The following TMEM132D variants were observed in gnomAD, a reference collection of about 807,000 sequenced individuals.
TMEM132D encodes the protein transmembrane protein 132D, also known as mature OL transmembrane protein.
Under a neutral mutation model 62.3 loss-of-function variants are expected in TMEM132D, and 21 were observed. The ratio of observed to expected loss-of-function variants is 0.34; its 90% CI spans 0.24 to 0.49. The LOEUF is 0.49. Ranked by LOEUF, TMEM132D falls within the 20% of genes least tolerant of loss-of-function variation. The pLI is 0.99. For synonymous variants in TMEM132D, 621 were observed against 575.6 expected, an observed-to-expected ratio of 1.08 and a Z score of -1.13; for missense variants, 1,346 against 1,402.8, an observed-to-expected ratio of 0.96 and a Z score of 0.65.
chr12:129,525,061 G>A (rs1236968923), intron 3 of TMEM132D, among the ~76,000 whole-genome samples: 1 of 148,462 alleles, frequency 6.7e-6, no homozygotes, highest in African/African-American at 2.5e-5. Flanking sequence ...GTGTAGCTGG[G>A]ACTACAGGCG....
intron 3 of TMEM132D, among the ~76,000 whole-genome samples, chr12:129,407,553 G>A (rs1165600760): frequency 6.6e-6 from 1 of 152,212 alleles, no homozygotes; most frequent in South Asian, 2.1e-4. Flanking sequence ...ACATGAATCT[G>A]TTTCTGGATT....
intron 7 of TMEM132D, 79 bp from the exon 8 acceptor site, chr12:129,078,804 G>C: frequency 6.7e-7 from 1 of 1,493,546 alleles, no homozygotes; most frequent in South Asian, 1.2e-5. Context: ...GGAAGTGCCA[G>C]TGTGCAGGCA....
intron 1 of TMEM132D, among the ~76,000 whole-genome samples, chr12:129,731,511 T>C (rs533163999): frequency 6.6e-6 from 1 of 152,132 alleles, no homozygotes; most frequent in South Asian, 2.1e-4. Flanking sequence ...ACCAAGGGCA[T>C]ATCCAGGGAG....
rs1429108087 is a variant in TMEM132D, at chr12:129,505,537, C to T, written c.1115+25522G>A. 1.1e-4 allele frequency among the ~76,000 whole-genome samples: 17 copies of T among 152,312 alleles called. No homozygotes were observed. The East Asian group carries it at 3.1e-3, about 28-fold the overall frequency. On this transcript the variant is annotated intron_variant, in intron 3 of 8. Transcript: ENST00000422113. ...GGATTACAGGCATGAGCCACCACGC[C>T]TGGCCTGTTCCAAGGTATAGTTTAA...
At chr12:129,772,244 A>G (rs1257158641) in intron 1 of TMEM132D, among the ~76,000 whole-genome samples, 1 of 152,226 alleles carries the variant, frequency 6.6e-6, no homozygotes, top group Non-Finnish European at 1.5e-5. Flanking sequence ...TCATACACCT[A>G]TAATTTAAAT....
intron 5 of TMEM132D, among the ~76,000 whole-genome samples, chr12:129,184,919 A>G (rs1025765700): frequency 2.6e-5 from 4 of 152,288 alleles, no homozygotes; most frequent in Admixed American, 2.6e-4. Context: ...CTCAAGAATC[A>G]TGACCCCAGC....
intron 2 of TMEM132D, among the ~76,000 whole-genome samples, chr12:129,581,677 C>A (rs1877867381): frequency 6.6e-6 from 1 of 152,188 alleles, no homozygotes; most frequent in Non-Finnish European, 1.5e-5. Flanking sequence ...TTTATCCTAG[C>A]CGAGCTGGCA....
At chr12:129,350,441 T>C (rs892029752) in intron 3 of TMEM132D, among the ~76,000 whole-genome samples, 3 of 152,204 alleles carry the variant, frequency 2.0e-5, no homozygotes, top group Admixed American at 6.5e-5. Flanking sequence ...CTGTCTCTTA[T>C]GAAGTCCCAC....
At chr12:129,166,288 G>C (rs1163830397) in intron 5 of TMEM132D, among the ~76,000 whole-genome samples, 5 of 61,210 alleles carry the variant, frequency 8.2e-5, no homozygotes, top group African/African-American at 2.1e-4. Context: ...ACTGTGGGAA[G>C]CTGGAGAACC....
intron 1 of TMEM132D, among the ~76,000 whole-genome samples, chr12:129,776,998 T>C (rs1490129322): frequency 6.6e-6 from 1 of 152,192 alleles, no homozygotes; most frequent in Non-Finnish European, 1.5e-5. Flanking sequence ...TTAACAAAGG[T>C]GTTGTTAAAT....
At chr12:129,554,515 T>A (rs2137108399) in intron 2 of TMEM132D, among the ~76,000 whole-genome samples, 1 of 152,274 alleles carries the variant, frequency 6.6e-6, no homozygotes, top group African/African-American at 2.4e-5. Context: ...GTGGGTTCCA[T>A]GAGGCCTCAT....
At chr12:129,124,939 G>A (rs899101875) in intron 5 of TMEM132D, among the ~76,000 whole-genome samples, 1 of 152,106 alleles carries the variant, frequency 6.6e-6, no homozygotes, top group Non-Finnish European at 1.5e-5. Flanking sequence ...AGCTATTAAT[G>A]TAATTACATT....
intron 1 of TMEM132D, among the ~76,000 whole-genome samples, chr12:129,778,011 C>T (rs1039579346): frequency 6.7e-6 from 1 of 148,278 alleles, no homozygotes; most frequent in Admixed American, 6.9e-5. Context: ...ATCCCAGCTA[C>T]TTCTAAGGCA....
intron 1 of TMEM132D, among the ~76,000 whole-genome samples, chr12:129,772,431 A>G (rs1363102726): frequency 3.9e-5 from 6 of 152,118 alleles, no homozygotes; most frequent in Non-Finnish European, 7.4e-5. Flanking sequence ...TATAGGGGGG[A>G]AAAGTTGCAT....
At chr12:129,428,796 A>C (rs773958145) in intron 3 of TMEM132D, among the ~76,000 whole-genome samples, 76 of 152,222 alleles carry the variant, frequency 5.0e-4, no homozygotes, top group African/African-American at 1.3e-3. Flanking sequence ...GAGAACCATG[A>C]ATTAATATCA....
rs574443929 is a variant in TMEM132D, at chr12:129,562,102, GATTA to G, written c.969-30901_969-30898del. ...TTTTGTATAGAATATACTATGTATT[GATTA>G]ATTAATTCATAAAATTCATGAAGGA... is the stretch of plus-strand genomic sequence containing the variant. On this transcript the variant is annotated intron_variant, in intron 2 of 8. Transcript: ENST00000422113. Among the ~76,000 whole-genome samples the G allele has an allele frequency of 8.5e-4, 130 of 152,262 alleles. 1 individual carries two copies. Among genetic ancestry groups the G allele is most frequent in the South Asian group, 1.9e-3 (9 of 4,826 alleles).
At chr12:129,641,974 A>G (rs1879651303) in intron 2 of TMEM132D, among the ~76,000 whole-genome samples, 1 of 152,044 alleles carries the variant, frequency 6.6e-6, no homozygotes, top group East Asian at 1.9e-4. Flanking sequence ...CAAACCGAAC[A>G]TGTCTCATAG....
chr12:129,282,726 G>T (rs1053547732), intron 4 of TMEM132D, among the ~76,000 whole-genome samples: 35 of 152,198 alleles, frequency 2.3e-4, no homozygotes, highest in African/African-American at 8.4e-4. Context: ...TACATTTCTT[G>T]CATATCTGAG....
chr12:129,572,074 C>T (rs1012120010), intron 2 of TMEM132D, among the ~76,000 whole-genome samples: 9 of 152,170 alleles, frequency 5.9e-5, no homozygotes, highest in Non-Finnish European at 1.0e-4. Context: ...ATGACAGACT[C>T]CCCTCTACAG....
Sources: allele counts gnomAD v4.1 joint callset (sites outside exome capture counted in the v4.1 genomes callset), GRCh38; gene constraint gnomAD v4.1.1; transcripts MANE v1.5; gene names NCBI Gene and HGNC (gene_info 2026-07-23, HGNC 2026-07-21).